CRYBG3: variants seen among roughly 807,000 people sequenced by gnomAD.
The protein encoded by CRYBG3 is very large A-kinase anchor protein.
In CRYBG3, 127 loss-of-function variants were observed where a neutral mutation model predicts 244.2. That is an observed-to-expected ratio of 0.52 (90% CI 0.45 to 0.60). CRYBG3 has a LOEUF of 0.60. Among genes scored for constraint, CRYBG3 ranks in the 20% least tolerant of loss-of-function variants. The probability of loss-of-function intolerance (pLI) is 0.00; values close to 1 mark genes in which losing one functional copy is unlikely to be tolerated. For missense variants in CRYBG3, 3,325 were observed against 3,442.5 expected (o/e 0.97, Z 0.85); for synonymous variants, 1,132 against 1,195.8 (o/e 0.95, Z 1.10).
Position 97,874,747 on chromosome 3 carries a change from G to T in CRYBG3, c.3553G>T (p.Ala1185Ser), listed in dbSNP as rs758244641. ...TGAGCACATAGAAGCCAGGAGAAGA[G>T]CACATGACCAACTTTTGGACCTCAA... The part of the protein sequence containing the change: ...SAEHIEARRR[A>S]HDQLLDLKSS... Residue 1185 changes from alanine (A) to serine (S), a missense_variant, in exon 4 of 22, where the codon GCA becomes TCA. By Grantham distance (99) the Ala-to-Ser change is moderately conservative. Coordinates refer to ENST00000389622, the MANE Select transcript of CRYBG3 (RefSeq NM_153605.4). The T allele has an allele frequency of 1.2e-5, 19 of 1,535,820 alleles. No individual in the cohort carries two copies. In the South Asian group the frequency reaches 2.3e-4, roughly 18 times the overall value.
At chr3:97,941,645 T>C (rs2107111965) in intron 20 of CRYBG3, among the ~76,000 whole-genome samples, 1 of 152,030 alleles carries the variant, frequency 6.6e-6, no homozygotes, top group South Asian at 2.1e-4. Flanking sequence ...CCAGATAAAA[T>C]CAGCCATCTC....
At position 97,899,023 on chromosome 3, in the gene CRYBG3, A is replaced by AGTG; in HGVS notation, c.7843_7844+1dup. On this transcript the variant is annotated inframe_insertion and splice_region_variant, in exon 13 of 22. Transcript: ENST00000389622. ...CAAGATCCATTCATGTTAAAAGTGGAGTGTAAGTTGCCTCCTCTAAGAACC... is the reference window on the plus strand; with the variant it reads ...CAAGATCCATTCATGTTAAAAGTGGAGTGGTGTAAGTTGCCTCCTCTAAGAACC... 1 of 1,610,182 alleles carries AGTG rather than the reference A, an allele frequency of 6.2e-7. No homozygotes were observed. Among genetic ancestry groups the AGTG allele is most frequent in the Non-Finnish European group, 8.5e-7 (1 of 1,178,738 alleles).
chr3:97,837,338 A>G (rs1282024110), intron 1 of CRYBG3, among the ~76,000 whole-genome samples: 1 of 152,078 alleles, frequency 6.6e-6, no homozygotes, highest in Non-Finnish European at 1.5e-5. Flanking sequence ...CATGCCAGGA[A>G]GGAAAGGCCT....
At chr3:97,916,054 AAAAAT>A (rs909986989) in intron 17 of CRYBG3, among the ~76,000 whole-genome samples, 1 of 152,186 alleles carries the variant, frequency 6.6e-6, no homozygotes, top group African/African-American at 2.4e-5. Flanking sequence ...CTGTAAAAAT[AAAAAT>A]AAAATAATAA....
Position 97,898,991 on chromosome 3 carries a change from A to C in CRYBG3, c.7810A>C (p.Ser2604Arg), listed in dbSNP as rs1188079412. The change falls in exon 13 of 22, where the codon AGT (serine) becomes CGT (arginine). Residue 2604 changes from serine to arginine, a missense_variant. Physicochemically the swap from Ser to Arg is moderately radical, Grantham distance 110. Coordinates refer to ENST00000389622, the MANE Select transcript of CRYBG3 (RefSeq NM_153605.4). The part of the protein sequence containing the change: ...ISDLEEIGFG[S>R]KTRSIHVKSG... ...TGATTTGGAAGAAATTGGCTTTGGC[A>C]GTAAAACAAGATCCATTCATGTTAA... 11 of 1,613,008 alleles carry C rather than the reference A, an allele frequency of 6.8e-6. No individual in the cohort carries two copies. Among genetic ancestry groups the C allele is most frequent in the Non-Finnish European group, 9.3e-6 (11 of 1,179,600 alleles).
chr3:97,872,577 A>C lies in CRYBG3; in HGVS notation c.1383A>C (p.Ser461=). 1.3e-6 allele frequency: 2 copies of C among 1,535,974 alleles called. No individual in the cohort carries two copies. Among genetic ancestry groups the C allele is most frequent in the Non-Finnish European group, 1.7e-6 (2 of 1,146,828 alleles). ...ESTNLPSPNK[S]IRHEHLQLPE... ...CAAATTTGCCAAGTCCAAATAAATC[A>C]ATTAGGCATGAACATCTGCAGTTGC... The change falls in exon 4 of 22, where the codon TCA becomes TCC. Residue 461 remains serine (S), a synonymous_variant. Coordinates refer to ENST00000389622, the MANE Select transcript of CRYBG3 (RefSeq NM_153605.4).
In CRYBG3 at chr3:97,891,562, G is replaced by A. The variant is rs6777475; in HGVS notation, c.7441-1298G>A. ...GCTTCGTCACTGTCAAGACACTTTC[G>A]TAAGCAGTCATACCAGCTATTTAGT... On this transcript the variant is annotated intron_variant, in intron 10 of 21. Transcript: ENST00000389622. Among the ~76,000 whole-genome samples, 1,449 of 152,168 alleles carry A rather than the reference G, an allele frequency of 9.5e-3. 23 individuals are homozygous for A. Among genetic ancestry groups the A allele is most frequent in the African/African-American group, 0.033 (1,368 of 41,514 alleles).
chr3:97,903,040 C>T (rs1276314734), intron 15 of CRYBG3, among the ~76,000 whole-genome samples: 1 of 152,104 alleles, frequency 6.6e-6, no homozygotes, highest in Admixed American at 6.6e-5. Context: ...CAGCCAAGTA[C>T]CTTTTGTTTC....
At chr3:97,884,104 G>A (rs2039481559) in intron 7 of CRYBG3, among the ~76,000 whole-genome samples, 1 of 152,086 alleles carries the variant, frequency 6.6e-6, no homozygotes, top group Non-Finnish European at 1.5e-5. Flanking sequence ...ACATTAATAT[G>A]GAAATATTTG....
At chr3:97,922,227 TA>T (rs1260001060) in intron 17 of CRYBG3, among the ~76,000 whole-genome samples, 1 of 152,038 alleles carries the variant, frequency 6.6e-6, no homozygotes, top group African/African-American at 2.4e-5. Context: ...CCTAAAACCA[TA>T]AAAACCCTAG....
rs1486872651 is a variant in CRYBG3, at chr3:97,929,696, C to T, written c.8242-3998C>T. On this transcript the variant is annotated intron_variant, in intron 17 of 21. Coordinates refer to ENST00000389622, the MANE Select transcript of CRYBG3 (RefSeq NM_153605.4). ...CCACGCTGGTTTATTAGCTATGTCT[C>T]TTCTTTGGTTAATGCTATTGGCTTA... Among the ~76,000 whole-genome samples the T allele has an allele frequency of 3.9e-5, 6 of 152,060 alleles. No individual in the cohort carries two copies. In the East Asian group the frequency reaches 1.2e-3, roughly 30 times the overall value.
At position 97,888,308 on chromosome 3, in the gene CRYBG3, T is replaced by TTATACTTTAACTAA. The variant is rs764889289; in HGVS notation, c.7290-32_7290-19dup. 9 of 1,331,140 alleles carry TTATACTTTAACTAA rather than the reference T, an allele frequency of 6.8e-6. No individual in the cohort carries two copies. The South Asian group carries it at 1.1e-4, about 16-fold the overall frequency. The allele number at this position is 1,331,140 out of a possible 1,614,324, so 82.5% of individuals were successfully genotyped here. On this transcript the variant is annotated intron_variant, in intron 8 of 21. Transcript: ENST00000389622. The stretch of plus-strand genomic sequence containing the variant: ...ACAGAACCAGACTAAAGCAGTACTA[T>TTATACTTTAACTAA]TATACTTTAACTAACTATCTATTTT...
intron 7 of CRYBG3, among the ~76,000 whole-genome samples, chr3:97,884,553 A>G (rs1045433167): frequency 1.3e-5 from 2 of 152,138 alleles, no homozygotes; most frequent in African/African-American, 2.4e-5. Context: ...ATATATTTGA[A>G]AAGTGTAGCA....
At chr3:97,879,192 C>T (rs1209776568) in intron 4 of CRYBG3, among the ~76,000 whole-genome samples, 1 of 152,212 alleles carries the variant, frequency 6.6e-6, no homozygotes, top group Admixed American at 6.5e-5. Flanking sequence ...TGTCTCCCCA[C>T]ACTCTGGGTG....
At chr3:97,911,183 G>A (rs1559741527) in intron 15 of CRYBG3, among the ~76,000 whole-genome samples, 4 of 152,186 alleles carry the variant, frequency 2.6e-5, no homozygotes, top group Admixed American at 6.5e-5. Flanking sequence ...TTGGGAAGAC[G>A]AGGGAGGTGA....
At chr3:97,871,795 G>A in intron 3 of CRYBG3, 47 bp from the exon 4 acceptor site, 1 of 1,313,398 alleles carries the variant, frequency 7.6e-7, no homozygotes, top group Non-Finnish European at 1.0e-6. Flanking sequence ...TTAGTATTAA[G>A]TATTATTAAT....
intron 2 of CRYBG3, among the ~76,000 whole-genome samples, chr3:97,855,762 G>A (rs1186114671): frequency 6.6e-6 from 1 of 152,138 alleles, no homozygotes; most frequent in Non-Finnish European, 1.5e-5. Flanking sequence ...AAACCAGCAA[G>A]TTTTTGTTAG....
chr3:97,936,671 A>C, intron 18 of CRYBG3, 114 bp from the exon 19 acceptor site: 1 of 1,077,580 alleles, frequency 9.3e-7, no homozygotes, highest in Non-Finnish European at 1.3e-6. Context: ...TGCAATTTTA[A>C]AAGTCTGCAA....
At chr3:97,838,175 T>C (rs961730133) in intron 1 of CRYBG3, among the ~76,000 whole-genome samples, 2 of 152,172 alleles carry the variant, frequency 1.3e-5, no homozygotes, top group Non-Finnish European at 2.9e-5. Context: ...TTCAGTGCTG[T>C]ATGTGCTCAT....
Sources: gnomAD v4.1 joint callset for allele counts (sites outside exome capture counted in the v4.1 genomes callset) on GRCh38, gnomAD v4.1.1 for gene constraint, MANE v1.5 for transcripts, NCBI Gene and HGNC (gene_info 2026-07-23, HGNC 2026-07-21) for gene names.